The following NRXN3 variants were observed in gnomAD, a reference collection of about 807,000 sequenced individuals.
NRXN3 encodes the protein neurexin 3, also known as neurexin III.
In NRXN3, 32 loss-of-function variants were observed where a neutral mutation model predicts 137.6. The observed-to-expected ratio is 0.23, with a 90% confidence interval of 0.18 to 0.31. NRXN3 has a LOEUF of 0.31. Among genes scored for constraint, NRXN3 ranks in the 10% least tolerant of loss-of-function variants. The probability of loss-of-function intolerance (pLI) is 1.00; values close to 1 mark genes in which losing one functional copy is unlikely to be tolerated. For missense variants in NRXN3, 1,574 were observed against 2,062.5 expected (o/e 0.76, Z 4.59); for synonymous variants, 798 against 784.5 (o/e 1.02, Z -0.29).
At chr14:78,957,711 C>G (rs1450674215) in intron 11 of NRXN3, among the ~76,000 whole-genome samples, 1 of 152,158 alleles carries the variant, frequency 6.6e-6, no homozygotes, top group African/African-American at 2.4e-5. Context: ...ATGCCAGTTC[C>G]TTCCATCAGT....
chr14:78,754,835 C>CTTTT (rs36056842), intron 8 of NRXN3, among the ~76,000 whole-genome samples: 60 of 143,314 alleles, frequency 4.2e-4, no homozygotes, highest in African/African-American at 1.5e-3. Flanking sequence ...TCAGTATACA[C>CTTTT]TTTTTTTTTT....
At chr14:79,607,863 G>A (rs969465593) in intron 16 of NRXN3, among the ~76,000 whole-genome samples, 4 of 151,666 alleles carry the variant, frequency 2.6e-5, no homozygotes, top group African/African-American at 9.7e-5. Flanking sequence ...TCAAGACGGG[G>A]TCTCACTATG....
At chr14:78,620,534 A>T (rs7153811) in intron 4 of NRXN3, among the ~76,000 whole-genome samples, 1,661 of 152,220 alleles carry the variant, frequency 0.011, 12 homozygotes, top group South Asian at 0.027. Context: ...CCAAAGGGGG[A>T]ATCACTGACA....
chr14:78,842,081 C>G lies in NRXN3; in HGVS notation c.2275+31737C>G, dbSNP rs1024509359. ...AATATTTTCTACAGATTTCACTTTT[C>G]AGGTTTTCTTTGTACACTGAATTGT... is the stretch of plus-strand genomic sequence containing the variant. On this transcript the variant is annotated intron_variant, in intron 10 of 20. Coordinates refer to ENST00000335750, the MANE Select transcript of NRXN3 (RefSeq NM_001330195.2). 2.0e-5 allele frequency among the ~76,000 whole-genome samples: 3 copies of G among 152,132 alleles called. No homozygotes were observed. The East Asian group carries it at 5.8e-4, about 29-fold the overall frequency.
At chr14:78,902,231 A>G (rs901200241) in intron 10 of NRXN3, among the ~76,000 whole-genome samples, 5 of 152,210 alleles carry the variant, frequency 3.3e-5, no homozygotes, top group South Asian at 4.1e-4. Context: ...TGATGGCAAC[A>G]TATAGACACG....
chr14:79,044,763 G>A (rs1018279112), intron 15 of NRXN3, among the ~76,000 whole-genome samples: 11 of 150,784 alleles, frequency 7.3e-5, no homozygotes, highest in African/African-American at 2.7e-4. Flanking sequence ...CGTCTAATAA[G>A]CTCAGTGGTT....
intron 16 of NRXN3, among the ~76,000 whole-genome samples, chr14:79,609,974 G>A (rs1038658645): frequency 2.6e-5 from 4 of 152,072 alleles, no homozygotes; most frequent in Non-Finnish European, 4.4e-5. Flanking sequence ...GGGAGGGATA[G>A]CATTAGGAGA....
intron 6 of NRXN3, among the ~76,000 whole-genome samples, chr14:78,680,641 T>TATA (rs984734879): frequency 1.3e-5 from 2 of 152,124 alleles, no homozygotes; most frequent in African/African-American, 2.4e-5. Context: ...TTCTTTAACT[T>TATA]ATAGCAACTG....
At chr14:78,325,653 GA>G (rs979583083) in intron 4 of NRXN3, among the ~76,000 whole-genome samples, 1 of 151,644 alleles carries the variant, frequency 6.6e-6, no homozygotes, top group African/African-American at 2.4e-5. Flanking sequence ...AGAACAGTTT[GA>G]AAAAAAGCAT....
chr14:78,229,477 C>T (rs192995329), intron 1 of NRXN3, among the ~76,000 whole-genome samples: 12 of 152,088 alleles, frequency 7.9e-5, no homozygotes, highest in South Asian at 6.2e-4. Context: ...CTTGGGCTGG[C>T]GATCTTCACT....
chr14:79,405,743 T>A (rs139173421), intron 15 of NRXN3, among the ~76,000 whole-genome samples: 1 of 152,292 alleles, frequency 6.6e-6, no homozygotes, highest in Non-Finnish European at 1.5e-5. Context: ...CCTAAGTGTT[T>A]GAATTTGCAA....
chr14:79,443,094 CA>C (rs2095994917), intron 15 of NRXN3, among the ~76,000 whole-genome samples: 1 of 152,180 alleles, frequency 6.6e-6, no homozygotes, highest in African/African-American at 2.4e-5. Flanking sequence ...GTCAATTAGT[CA>C]AAGTTATCTT....
At chr14:79,106,169 T>A (rs2052395002) in intron 15 of NRXN3, among the ~76,000 whole-genome samples, 1 of 152,120 alleles carries the variant, frequency 6.6e-6, no homozygotes, top group African/African-American at 2.4e-5. Context: ...TTCCATGTTC[T>A]TGAGGTCAGT....
intron 6 of NRXN3, among the ~76,000 whole-genome samples, chr14:78,658,308 C>G (rs1388837318): frequency 1.3e-5 from 2 of 152,056 alleles, no homozygotes; most frequent in African/African-American, 4.8e-5. Context: ...CTGTTCTGAG[C>G]CTCGGTTTCT....
chr14:78,559,941 C>A (rs2096771965), intron 4 of NRXN3, among the ~76,000 whole-genome samples: 1 of 152,198 alleles, frequency 6.6e-6, no homozygotes, highest in Non-Finnish European at 1.5e-5. Flanking sequence ...GCAGCGAGCA[C>A]CTTTTGGATT....
At chr14:79,761,295 A>G (rs982753492) in intron 19 of NRXN3, among the ~76,000 whole-genome samples, 1 of 151,650 alleles carries the variant, frequency 6.6e-6, no homozygotes, top group Non-Finnish European at 1.5e-5. Flanking sequence ...AGTTCAACGC[A>G]ATGATCCTTC....
intron 6 of NRXN3, among the ~76,000 whole-genome samples, chr14:78,698,451 G>A (rs187022096): frequency 6.6e-6 from 1 of 152,062 alleles, no homozygotes; most frequent in African/African-American, 2.4e-5. Context: ...ATGGCCAAAG[G>A]CCTCATTGTT....
intron 8 of NRXN3, among the ~76,000 whole-genome samples, chr14:78,790,905 G>T (rs935084320): frequency 6.6e-6 from 1 of 152,168 alleles, no homozygotes; most frequent in South Asian, 2.1e-4. Context: ...TCATAATACT[G>T]TATCAGTGCC....
intron 10 of NRXN3, among the ~76,000 whole-genome samples, chr14:78,867,054 C>T (rs2099088940): frequency 6.6e-6 from 1 of 152,138 alleles, no homozygotes; most frequent in Admixed American, 6.5e-5. Context: ...GCCTCAGCCT[C>T]TCAAAGTCCT....
Sources: allele counts gnomAD v4.1 joint callset (sites outside exome capture counted in the v4.1 genomes callset), GRCh38; gene constraint gnomAD v4.1.1; transcripts MANE v1.5; gene names NCBI Gene and HGNC (gene_info 2026-07-23, HGNC 2026-07-21).